Variants in SLC16A9 observed in about 807,000 individuals in gnomAD.
The protein encoded by SLC16A9 is solute carrier family 16 member 9, also known as monocarboxylate transporter 9.
In SLC16A9, 26 loss-of-function variants were observed where a neutral mutation model predicts 44.3. The observed-to-expected ratio is 0.59, with a 90% CI of 0.43 to 0.81. SLC16A9 has a LOEUF of 0.81. SLC16A9 is among the 40% of genes least tolerant of loss of function. The probability of loss-of-function intolerance (pLI) is 0.00; values close to 1 mark genes in which losing one functional copy is unlikely to be tolerated. For missense variants in SLC16A9, 559 were observed against 595.8 expected (o/e 0.94, Z 0.64); for synonymous variants, 230 against 225.1 (o/e 1.02, Z -0.19).
At chr10:59,674,016 T>C (rs768711546) in intron 2 of SLC16A9, among the ~76,000 whole-genome samples, 1 of 152,196 alleles carries the variant, frequency 6.6e-6, no homozygotes. Flanking sequence ...CTATCTTTAG[T>C]AGGGGCTGGG....
intron 3 of SLC16A9, among the ~76,000 whole-genome samples, chr10:59,666,469 T>A (rs1376833780): frequency 2.0e-5 from 3 of 152,156 alleles, no homozygotes; most frequent in African/African-American, 7.2e-5. Flanking sequence ...AATACTAAGA[T>A]GTTCTCTGCT....
intron 1 of SLC16A9, among the ~76,000 whole-genome samples, chr10:59,703,954 C>T (rs532591271): frequency 6.6e-6 from 1 of 152,084 alleles, no homozygotes; most frequent in Admixed American, 6.5e-5. Flanking sequence ...AATATCCTGA[C>T]CTCGTGATCC....
chr10:59,708,548 AAC>A (rs938860756), intron 1 of SLC16A9: 2 of 152,208 alleles, frequency 1.3e-5, no homozygotes, highest in African/African-American at 2.4e-5. Flanking sequence ...ATTTTTAAAA[AAC>A]ACATCAAAAC....
intron 1 of SLC16A9, among the ~76,000 whole-genome samples, chr10:59,705,449 G>T (rs981209288): frequency 9.2e-5 from 14 of 152,086 alleles, no homozygotes; most frequent in African/African-American, 3.4e-4. Context: ...CTCAGTCTAA[G>T]ATCAAAATAA....
chr10:59,685,981 T>C (rs1171657), intron 1 of SLC16A9, among the ~76,000 whole-genome samples: 18,850 of 57,846 alleles, frequency 0.33, 1,290 homozygotes, highest in Non-Finnish European at 0.35. Context: ...TTCTTTCTTT[T>C]TTTTTTTTTT....
intron 1 of SLC16A9, among the ~76,000 whole-genome samples, chr10:59,706,400 T>C (rs1840636803): frequency 6.6e-6 from 1 of 152,176 alleles, no homozygotes; most frequent in South Asian, 2.1e-4. Context: ...ATTGAAGTCA[T>C]TAAGTGATAC....
chr10:59,697,505 G>C (rs987338493), intron 1 of SLC16A9, among the ~76,000 whole-genome samples: 17 of 151,700 alleles, frequency 1.1e-4, no homozygotes, highest in Middle Eastern at 3.4e-3. Flanking sequence ...GGTGCAAGAT[G>C]TGCTTTGTTA....
intron 2 of SLC16A9, among the ~76,000 whole-genome samples, chr10:59,678,224 T>C (rs1320074621): frequency 6.6e-6 from 1 of 152,064 alleles, no homozygotes; most frequent in African/African-American, 2.4e-5. Context: ...GGACCTGCCA[T>C]GCAGCAAGGA....
At chr10:59,702,893 G>A (rs1171624) in intron 1 of SLC16A9, among the ~76,000 whole-genome samples, 43,667 of 152,074 alleles carry the variant, frequency 0.29, 7,195 homozygotes, top group East Asian at 0.68. Context: ...GACAGAATAC[G>A]TGGTGAAATA....
chr10:59,655,722 G>A lies in SLC16A9; in HGVS notation c.437-1133C>T, dbSNP rs114474441. Among the ~76,000 whole-genome samples the A allele has an allele frequency of 5.7e-3, 862 of 152,132 alleles. 11 individuals are homozygous for A. The highest frequency in any genetic ancestry group is 0.02 in the African/African-American group (816 of 41,500). On this transcript the variant is annotated intron_variant, in intron 4 of 5. Transcript: ENST00000395348. ...CTGATTTCAATCTTTAATAAACTGA[G>A]CATTTTTAAATGTAAATGTCATTGG...
chr10:59,657,907 G>A (rs1180691441), intron 4 of SLC16A9, among the ~76,000 whole-genome samples: 1 of 152,130 alleles, frequency 6.6e-6, no homozygotes, highest in Non-Finnish European at 1.5e-5. Context: ...TTCAGGCCGT[G>A]ATAAGGTCAG....
intron 1 of SLC16A9, among the ~76,000 whole-genome samples, chr10:59,706,877 G>A (rs1840649731): frequency 6.6e-6 from 1 of 151,782 alleles, no homozygotes; most frequent in Non-Finnish European, 1.5e-5. Flanking sequence ...GGGAGGCTGA[G>A]GCAGAAGAAC....
chr10:59,687,552 A>G (rs768971563), intron 1 of SLC16A9, among the ~76,000 whole-genome samples: 3 of 152,192 alleles, frequency 2.0e-5, no homozygotes, highest in African/African-American at 4.8e-5. Flanking sequence ...TCCTTGGTTC[A>G]TGCATTGTTT....
intron 1 of SLC16A9, among the ~76,000 whole-genome samples, chr10:59,695,669 T>C (rs1438858043): frequency 6.6e-6 from 1 of 152,172 alleles, no homozygotes; most frequent in Non-Finnish European, 1.5e-5. Flanking sequence ...GGAAATTATG[T>C]ATTGCTTATT....
At chr10:59,695,878 A>C (rs1840359788) in intron 1 of SLC16A9, among the ~76,000 whole-genome samples, 1 of 152,178 alleles carries the variant, frequency 6.6e-6, no homozygotes, top group African/African-American at 2.4e-5. Flanking sequence ...AAACTATTTT[A>C]AGCAAGTTAA....
At chr10:59,688,867 AG>A (rs1270711808) in intron 1 of SLC16A9, among the ~76,000 whole-genome samples, 1 of 151,844 alleles carries the variant, frequency 6.6e-6, no homozygotes, top group Non-Finnish European at 1.5e-5. Context: ...TATTCCTGGG[AG>A]GTTGCGGGCA....
chr10:59,658,965 G>C (rs1839410450), intron 4 of SLC16A9, among the ~76,000 whole-genome samples: 1 of 152,008 alleles, frequency 6.6e-6, no homozygotes, highest in East Asian at 1.9e-4. Context: ...GACCTTCCAG[G>C]GTTACCCACC....
intron 2 of SLC16A9, among the ~76,000 whole-genome samples, chr10:59,680,802 G>A (rs547116500): frequency 2.6e-5 from 4 of 152,044 alleles, no homozygotes; most frequent in South Asian, 4.2e-4. Context: ...GCCACATGGT[G>A]AGACCTTGTT....
At chr10:59,653,210 G>A (rs11815866) in intron 5 of SLC16A9, among the ~76,000 whole-genome samples, 31 of 151,148 alleles carry the variant, frequency 2.1e-4, no homozygotes, top group African/African-American at 6.4e-4. Context: ...ACGAGGTCAG[G>A]AGATGGAGAC....
Sources: allele counts gnomAD v4.1 joint callset (sites outside exome capture counted in the v4.1 genomes callset), GRCh38; gene constraint gnomAD v4.1.1; transcripts MANE v1.5; gene names NCBI Gene and HGNC (gene_info 2026-07-23, HGNC 2026-07-21).